SLC8A1: variants seen among roughly 807,000 people sequenced by gnomAD.
SLC8A1 encodes the protein sodium/calcium exchanger 1.
SLC8A1 carries 18 observed loss-of-function variants against 68.3 expected under a neutral mutation model. That is an observed-to-expected ratio of 0.26 (90% CI 0.18 to 0.39). SLC8A1 has a LOEUF of 0.39. SLC8A1 is among the 10% of genes least tolerant of loss of function. The probability of loss-of-function intolerance (pLI) is 1.00; values close to 1 mark genes in which losing one functional copy is unlikely to be tolerated. For synonymous variants in SLC8A1, 475 were observed against 415.5 expected, an observed-to-expected ratio of 1.14 and a Z score of -1.74; for missense variants, 985 against 1,156.7, an observed-to-expected ratio of 0.85 and a Z score of 2.15.
intron 2 of SLC8A1, among the ~76,000 whole-genome samples, chr2:40,298,614 T>C (rs181180677): frequency 1.2e-4 from 18 of 152,302 alleles, no homozygotes; most frequent in African/African-American, 4.1e-4. Context: ...AGATAAATCC[T>C]ACCATTTAAT....
chr2:40,367,211 G>T (rs918624114), intron 2 of SLC8A1, among the ~76,000 whole-genome samples: 1 of 151,880 alleles, frequency 6.6e-6, no homozygotes, highest in Admixed American at 6.6e-5. Context: ...TCAGGCAGAT[G>T]GCATCCTTGT....
chr2:40,232,315 G>C (rs1482749959), intron 2 of SLC8A1, among the ~76,000 whole-genome samples: 14 of 152,052 alleles, frequency 9.2e-5, no homozygotes, highest in Admixed American at 9.2e-4. Context: ...GTCATCTTTT[G>C]GTTGGCACAT....
At chr2:40,154,300 T>TTTTC (rs2044004963) in intron 6 of SLC8A1, among the ~76,000 whole-genome samples, 1 of 2,070 alleles carries the variant, frequency 4.8e-4, no homozygotes, top group African/African-American at 6.0e-4. Context: ...TTATTTATTC[T>TTTTC]TTTTTTTTTT....
At chr2:40,246,594 A>T (rs949853357) in intron 2 of SLC8A1, among the ~76,000 whole-genome samples, 2 of 152,178 alleles carry the variant, frequency 1.3e-5, no homozygotes, top group Non-Finnish European at 2.9e-5. Context: ...TCTTGCCTTC[A>T]AGGTCTGCCA....
At chr2:40,128,871 AT>A (rs1188689561) in intron 7 of SLC8A1, among the ~76,000 whole-genome samples, 3 of 152,254 alleles carry the variant, frequency 2.0e-5, no homozygotes, top group African/African-American at 4.8e-5. Context: ...TTCTGACACT[AT>A]CATGTAGAGA....
chr2:40,460,412 G>A (rs1309039257), intron 1 of SLC8A1, among the ~76,000 whole-genome samples: 2 of 152,030 alleles, frequency 1.3e-5, no homozygotes, highest in African/African-American at 4.8e-5. Context: ...ATATTTTGTA[G>A]CAGATTACTG....
At position 40,165,216 on chromosome 2, in the gene SLC8A1, G is replaced by A. The variant is rs186158197; in HGVS notation, c.1931-232C>T. 8.8e-3 allele frequency among the ~76,000 whole-genome samples: 1,335 copies of A among 152,260 alleles called. 5 individuals carry two copies. The highest frequency in any genetic ancestry group is 0.013 in the Non-Finnish European group (915 of 68,018). On this transcript the variant is annotated intron_variant, in intron 4 of 7. Transcript: ENST00000406785. ...TCTCACAATCTAAGCTCATGCAAAA[G>A]TTCAGTTGAGGAAAAGTAATGTATG...
chr2:40,300,701 C>G (rs1281739690), intron 2 of SLC8A1, among the ~76,000 whole-genome samples: 1 of 152,048 alleles, frequency 6.6e-6, no homozygotes, highest in Non-Finnish European at 1.5e-5. Flanking sequence ...CCTTCTGGCC[C>G]TAAGAATGAC....
chr2:40,440,426 C>G (rs561130507), intron 1 of SLC8A1, among the ~76,000 whole-genome samples: 1 of 152,046 alleles, frequency 6.6e-6, no homozygotes, highest in Non-Finnish European at 1.5e-5. Flanking sequence ...GAAGCCTTTG[C>G]TAATGCAACA....
intron 2 of SLC8A1, among the ~76,000 whole-genome samples, chr2:40,271,675 G>T (rs2066049156): frequency 6.6e-6 from 1 of 152,132 alleles, no homozygotes; most frequent in African/African-American, 2.4e-5. Flanking sequence ...CACATTGGAG[G>T]TATTCAAATA....
At chr2:40,243,266 G>A (rs1403123334) in intron 2 of SLC8A1, among the ~76,000 whole-genome samples, 1 of 152,168 alleles carries the variant, frequency 6.6e-6, no homozygotes, top group African/African-American at 2.4e-5. Flanking sequence ...TGGATTGCTT[G>A]AGCCTCAGGA....
Position 40,277,796 on chromosome 2 carries a change from A to ATATATATATATATATATATATATGTGTG in SLC8A1, c.1809-99942_1809-99941insCACACATATATATATATATATATATATA, listed in dbSNP as rs1559066354. Among the ~76,000 whole-genome samples, 85 of 17,474 alleles carry ATATATATATATATATATATATATGTGTG rather than the reference A, an allele frequency of 4.9e-3. 1 individual carries two copies. The highest frequency in any genetic ancestry group is 0.017 in the South Asian group (7 of 414). The allele number at this position is 17,474 out of a possible 152,430, so 11.5% of individuals were successfully genotyped here. On this transcript the variant is annotated intron_variant, in intron 2 of 7. Transcript: ENST00000406785. ...TGTATAAATATATATATATGTGTGT[A>ATATATATATATATATATATATATGTGTG]TATATATATATATATATATATATAT...
chr2:40,262,708 T>C (rs2064867498), intron 2 of SLC8A1, among the ~76,000 whole-genome samples: 1 of 152,238 alleles, frequency 6.6e-6, no homozygotes. Flanking sequence ...AGGTTGTTCA[T>C]GGAGATTTTG....
chr2:40,434,138 G>T (rs1698938488), intron 1 of SLC8A1, among the ~76,000 whole-genome samples: 1 of 152,100 alleles, frequency 6.6e-6, no homozygotes, highest in Non-Finnish European at 1.5e-5. Context: ...TTAGCCAAAA[G>T]GTCACCAGAT....
intron 2 of SLC8A1, among the ~76,000 whole-genome samples, chr2:40,365,006 T>C (rs530791397): frequency 3.3e-5 from 5 of 152,026 alleles, no homozygotes. Flanking sequence ...AAGAACTGAG[T>C]TATTTTATGG....
intron 2 of SLC8A1, among the ~76,000 whole-genome samples, chr2:40,212,861 G>C (rs1421045423): frequency 6.6e-6 from 1 of 152,162 alleles, no homozygotes; most frequent in Non-Finnish European, 1.5e-5. Context: ...CTTAGTTGAG[G>C]AGTCCTATGT....
intron 2 of SLC8A1, among the ~76,000 whole-genome samples, chr2:40,293,343 T>C (rs1474806635): frequency 6.6e-6 from 1 of 152,086 alleles, no homozygotes; most frequent in African/African-American, 2.4e-5. Flanking sequence ...TTTTAAAAAA[T>C]AAAAGTAAAT....
intron 2 of SLC8A1, among the ~76,000 whole-genome samples, chr2:40,413,500 ATT>A (rs1370217257): frequency 1.3e-5 from 2 of 152,208 alleles, no homozygotes; most frequent in African/African-American, 4.8e-5. Flanking sequence ...AAAATGATCT[ATT>A]TAAGAATCTT....
chr2:40,165,316 G>A (rs1247816618), intron 4 of SLC8A1, among the ~76,000 whole-genome samples: 2 of 152,144 alleles, frequency 1.3e-5, no homozygotes, highest in Non-Finnish European at 2.9e-5. Flanking sequence ...TCCCTGTGAC[G>A]CTGGCTCAGT....
Sources: allele counts gnomAD v4.1 joint callset (sites outside exome capture counted in the v4.1 genomes callset), GRCh38; gene constraint gnomAD v4.1.1; transcripts MANE v1.5; gene names NCBI Gene and HGNC (gene_info 2026-07-23, HGNC 2026-07-21).